The following SREBF2 variants were observed in gnomAD, a reference collection of about 807,000 sequenced individuals.
The protein encoded by SREBF2 is sterol regulatory element-binding protein 2.
SREBF2 carries 55 observed loss-of-function variants against 113.1 expected under a neutral mutation model. The ratio of observed to expected loss-of-function variants is 0.49; its 90% CI spans 0.39 to 0.61. The LOEUF (loss-of-function observed/expected upper bound fraction) is 0.61. Among genes scored for constraint, SREBF2 ranks in the 20% least tolerant of loss-of-function variants. The pLI is 0.00. For synonymous variants in SREBF2, 593 were observed against 605.7 expected, an observed-to-expected ratio of 0.98 and a Z score of 0.31; for missense variants, 1,349 against 1,487.4, an observed-to-expected ratio of 0.91 and a Z score of 1.53.
At chr22:41,891,824 T>C (rs1308313248) in intron 11 of SREBF2, among the ~76,000 whole-genome samples, 1 of 152,178 alleles carries the variant, frequency 6.6e-6, no homozygotes, top group African/African-American at 2.4e-5. Flanking sequence ...CTGGCCTGTT[T>C]CGGGGAGTGG....
chr22:41,856,344 G>T (rs1479721379), intron 1 of SREBF2, among the ~76,000 whole-genome samples: 2 of 151,834 alleles, frequency 1.3e-5, no homozygotes, highest in Non-Finnish European at 2.9e-5. Flanking sequence ...GCCCAAGCTG[G>T]TCTCAAACTC....
intron 1 of SREBF2, among the ~76,000 whole-genome samples, chr22:41,859,410 C>T (rs1030989705): frequency 3.3e-5 from 5 of 152,126 alleles, no homozygotes; most frequent in African/African-American, 1.2e-4. Context: ...TTTAAGGTGC[C>T]TGTGTATGTG....
At chr22:41,875,198 A>G (rs2077183274) in intron 5 of SREBF2, 139 bp from the exon 6 acceptor site, 1 of 718,090 alleles carries the variant, frequency 1.4e-6, no homozygotes, top group Admixed American at 2.0e-5. Flanking sequence ...TGGCACAGCT[A>G]ATCATTGGGA....
At chr22:41,885,054 C>G in intron 11 of SREBF2, 43 bp downstream of exon 11, 2 of 1,609,256 alleles carry the variant, frequency 1.2e-6, no homozygotes, top group Non-Finnish European at 1.7e-6. Flanking sequence ...CCCCTGAGCA[C>G]TTACCTAGCC....
intron 1 of SREBF2, chr22:41,834,106 C>A (rs1406135614): frequency 3.3e-5 from 5 of 152,328 alleles, no homozygotes; most frequent in Non-Finnish European, 7.3e-5. Flanking sequence ...CCCAGGGATC[C>A]ACTCTTAAAA....
intron 15 of SREBF2, chr22:41,899,676 C>A: frequency 1.5e-6 from 1 of 663,444 alleles, no homozygotes; most frequent in South Asian, 6.2e-5. Flanking sequence ...TATAGCATTC[C>A]ACCTGTATGT....
At chr22:41,859,070 C>A (rs1431812158) in intron 1 of SREBF2, among the ~76,000 whole-genome samples, 2 of 150,804 alleles carry the variant, frequency 1.3e-5, no homozygotes, top group Non-Finnish European at 2.9e-5. Flanking sequence ...TTGCAGTGAG[C>A]CGAGATCCCG....
intron 1 of SREBF2, among the ~76,000 whole-genome samples, chr22:41,864,261 T>TATATATATAC (rs1204150898): frequency 5.9e-4 from 30 of 50,992 alleles, no homozygotes; most frequent in Admixed American, 1.0e-3. Flanking sequence ...TATATATATA[T>TATATATATAC]ACACACACAC....
chr22:41,905,391 C>A lies in SREBF2; in HGVS notation c.3206-49C>A, dbSNP rs184011131. On this transcript the variant is annotated intron_variant, in intron 18 of 18. Transcript: ENST00000361204. Reference sequence around the variant, plus strand: ...GTCCAGGTAACGCCAAGGAACTGCACCAACTTCATGGTAGATTCTCGGTTG... The same window carrying A: ...GTCCAGGTAACGCCAAGGAACTGCAACAACTTCATGGTAGATTCTCGGTTG... The A allele has an allele frequency of 2.0e-3, 2,972 of 1,521,786 alleles. 7 individuals are homozygous for A. The highest frequency in any genetic ancestry group is 2.4e-3 in the Non-Finnish European group (2,770 of 1,131,138). 94.3% of individuals were successfully genotyped at this position (1,521,786 alleles called of 1,614,324 possible).
chr22:41,883,410 A>G (rs1290680971), intron 10 of SREBF2, among the ~76,000 whole-genome samples: 2 of 152,280 alleles, frequency 1.3e-5, no homozygotes, highest in East Asian at 3.9e-4. Context: ...TCATGGTAGA[A>G]TTTTAGCAGA....
intron 15 of SREBF2, chr22:41,899,693 C>A: frequency 3.4e-6 from 2 of 580,792 alleles, no homozygotes; most frequent in Non-Finnish European, 2.2e-6. Flanking sequence ...ATGTGTGTCT[C>A]CCCCAGTCGA....
At chr22:41,869,338 C>T (rs544231378) in intron 3 of SREBF2, among the ~76,000 whole-genome samples, 1 of 151,526 alleles carries the variant, frequency 6.6e-6, no homozygotes, top group African/African-American at 2.4e-5. Context: ...TTGTGATCCA[C>T]CCGCCTCGGC....
chr22:41,838,634 G>A (rs2076800330), intron 1 of SREBF2, among the ~76,000 whole-genome samples: 2 of 152,178 alleles, frequency 1.3e-5, no homozygotes, highest in African/African-American at 2.4e-5. Context: ...CTGGGAAGCT[G>A]AGGCAGGAGA....
chr22:41,900,037 C>G, intron 15 of SREBF2: 4 of 1,334,642 alleles, frequency 3.0e-6, no homozygotes, highest in Non-Finnish European at 3.9e-6. Flanking sequence ...AACTGAGGCA[C>G]ACGTTGGAAT....
At chr22:41,895,024 G>C in intron 13 of SREBF2, 87 bp downstream of exon 13, 1 of 1,041,006 alleles carries the variant, frequency 9.6e-7, no homozygotes, top group African/African-American at 1.6e-5. Context: ...CTCCTGGAGG[G>C]AAACAAGCCT....
chr22:41,838,719 C>T (rs767358407), intron 1 of SREBF2, among the ~76,000 whole-genome samples: 1 of 152,006 alleles, frequency 6.6e-6, no homozygotes, highest in Non-Finnish European at 1.5e-5. Context: ...GGTGACAGAG[C>T]AAGACCTTGT....
In SREBF2 at chr22:41,903,062, C is replaced by G; in HGVS notation, c.3000C>G (p.Thr1000=). 1 of 1,603,594 alleles carries G rather than the reference C, an allele frequency of 6.2e-7. No homozygotes were observed. The highest frequency in any genetic ancestry group is 8.5e-7 in the Non-Finnish European group (1 of 1,175,278). ...GTGCCAGCCAGGCTGTGGGGGAGACCTACCACGCGTCAGGCGCTGAACTGG... is the reference window on the plus strand; with the variant it reads ...GTGCCAGCCAGGCTGTGGGGGAGACGTACCACGCGTCAGGCGCTGAACTGG... ...QASASQAVGE[T]YHASGAELAG... The change falls in exon 17 of 19, where the codon ACC becomes ACG. Residue 1000 remains threonine, a synonymous_variant. Coordinates refer to ENST00000361204, the MANE Select transcript of SREBF2 (RefSeq NM_004599.4).
intron 1 of SREBF2, among the ~76,000 whole-genome samples, chr22:41,846,222 A>G (rs1291212470): frequency 6.6e-6 from 1 of 152,222 alleles, no homozygotes; most frequent in African/African-American, 2.4e-5. Context: ...CTTGAACAGA[A>G]AAGGATTTGT....
intron 1 of SREBF2, among the ~76,000 whole-genome samples, chr22:41,852,924 AT>A (rs528056012): frequency 2.0e-4 from 31 of 151,390 alleles, no homozygotes; most frequent in African/African-American, 7.3e-4. Flanking sequence ...TAATTTTTTT[AT>A]TTTTAGTAGA....
Sources: allele counts gnomAD v4.1 joint callset (sites outside exome capture counted in the v4.1 genomes callset), GRCh38; gene constraint gnomAD v4.1.1; transcripts MANE v1.5; gene names NCBI Gene and HGNC (gene_info 2026-07-23, HGNC 2026-07-21).